GLDN: variants seen among roughly 807,000 people sequenced by gnomAD.
GLDN encodes the protein gliomedin, also known as collomin.
A neutral mutation model predicts 56.5 loss-of-function variants in GLDN; 47 were observed. The ratio of observed to expected loss-of-function variants is 0.83; its 90% CI spans 0.66 to 1.06. GLDN has a LOEUF of 1.06. Ranked by LOEUF, GLDN falls within the 50% of genes least tolerant of loss-of-function variation. GLDN has a pLI of 0.00. For synonymous variants in GLDN, 332 were observed against 278.8 expected (o/e 1.19, Z -1.90); for missense variants, 782 against 714.3 (o/e 1.09, Z -1.08).
At chr15:51,361,463 G>A (rs1426291579) in intron 1 of GLDN, among the ~76,000 whole-genome samples, 1 of 152,076 alleles carries the variant, frequency 6.6e-6, no homozygotes, top group Admixed American at 6.5e-5. Context: ...TTTTAGAGGT[G>A]GGTCCTAGAA....
At chr15:51,365,323 CT>C (rs1449628942) in intron 1 of GLDN, among the ~76,000 whole-genome samples, 1 of 151,664 alleles carries the variant, frequency 6.6e-6, no homozygotes, top group Non-Finnish European at 1.5e-5. Flanking sequence ...CTTTTCTTTA[CT>C]AATTTGCAAG....
chr15:51,383,516 C>T lies in GLDN; in HGVS notation c.433+63C>T. On this transcript the variant is annotated intron_variant, in intron 3 of 9. Transcript: ENST00000335449. ...GTGGGTGGCCAGACCCTAGGATCTC[C>T]CTGTTGGGACAGATGCGGGGAGGGC... 3.2e-6 allele frequency: 5 copies of T among 1,582,100 alleles called. No homozygotes were observed. In the South Asian group the frequency reaches 5.5e-5, roughly 18 times the overall value.
chr15:51,344,972 G>A (rs961091584), intron 1 of GLDN, among the ~76,000 whole-genome samples: 1 of 152,164 alleles, frequency 6.6e-6, no homozygotes, highest in African/African-American at 2.4e-5. Context: ...CATACTTTTG[G>A]GAGACAGTAA....
At chr15:51,381,934 T>C (rs780790477) in intron 2 of GLDN, among the ~76,000 whole-genome samples, 1 of 152,126 alleles carries the variant, frequency 6.6e-6, no homozygotes, top group Non-Finnish European at 1.5e-5. Flanking sequence ...GAACCTCCCA[T>C]GGCTCCCTCC....
chr15:51,399,598 C>G (rs2038206232), intron 6 of GLDN, among the ~76,000 whole-genome samples: 1 of 152,188 alleles, frequency 6.6e-6, no homozygotes, highest in African/African-American at 2.4e-5. Context: ...TCTCTAGGCT[C>G]TTAGACAGAG....
At position 51,341,721 on chromosome 15, in the gene GLDN, G is replaced by T. The variant is rs2036884317; in HGVS notation, c.37G>T (p.Gly13Cys). 2.1e-6 allele frequency: 3 copies of T among 1,446,782 alleles called. 1 individual carries two copies. The highest frequency in any genetic ancestry group is 3.0e-5 in the African/African-American group (2 of 67,368). The allele number at this position is 1,446,782 out of a possible 1,614,324, so 89.6% of individuals were successfully genotyped here. The part of the protein sequence containing the change: ...RGAEGGRGDA[G>C]WGLRGALAAV... ...CGCTGAGGGAGGCCGTGGGGACGCG[G>T]GTTGGGGCCTGCGTGGCGCCCTGGC... Residue 13 changes from glycine (G) to cysteine (C), a missense_variant, in exon 1 of 10, where the codon GGT (glycine) becomes TGT (cysteine). Coordinates refer to ENST00000335449, the MANE Select transcript of GLDN (RefSeq NM_181789.4).
At chr15:51,358,914 A>G (rs1166690266) in intron 1 of GLDN, among the ~76,000 whole-genome samples, 1 of 152,322 alleles carries the variant, frequency 6.6e-6, no homozygotes, top group East Asian at 1.9e-4. Flanking sequence ...AGGAGGGCAA[A>G]TGGAGTGAAG....
rs1183750779 is a variant in GLDN at position 51,404,670 on chromosome 15, G to C, written c.1572G>C (p.Met524Ile). 6.2e-7 allele frequency: 1 copy of C among 1,613,354 alleles called. No homozygotes were observed. Among genetic ancestry groups the C allele is most frequent in the Non-Finnish European group, 8.5e-7 (1 of 1,179,308 alleles). Residue 524 changes from methionine (M) to isoleucine (I), a missense_variant, in exon 10 of 10, where the codon ATG (methionine) becomes ATC (isoleucine). By Grantham distance (10) the Met-to-Ile change is conservative. Transcript: ENST00000335449. ...TTCTTGCCATGTTAGCATACAACAT[G>C]AGAGATCAGCATTTATATTCATGGG... The part of the protein sequence containing the change: ...QSVLAMLAYN[M>I]RDQHLYSWED...
intron 1 of GLDN, among the ~76,000 whole-genome samples, chr15:51,369,406 C>T (rs1009128377): frequency 2.0e-5 from 3 of 152,206 alleles, no homozygotes; most frequent in Non-Finnish European, 2.9e-5. Flanking sequence ...AACAGTGTTC[C>T]AGCCAGCAAA....
intron 4 of GLDN, among the ~76,000 whole-genome samples, chr15:51,394,134 G>T (rs2038075512): frequency 6.6e-6 from 1 of 152,188 alleles, no homozygotes; most frequent in African/African-American, 2.4e-5. Flanking sequence ...CCAATATGTT[G>T]TGAGGAATAA....
At chr15:51,377,050 A>G (rs2037647662) in intron 1 of GLDN, among the ~76,000 whole-genome samples, 2 of 152,230 alleles carry the variant, frequency 1.3e-5, no homozygotes, top group African/African-American at 2.4e-5. Context: ...AAAGGATAAC[A>G]TAGTAAATGC....
chr15:51,353,963 A>G (rs1348075119), intron 1 of GLDN, among the ~76,000 whole-genome samples: 1 of 152,204 alleles, frequency 6.6e-6, no homozygotes, highest in Non-Finnish European at 1.5e-5. Context: ...TTTGCAGCCC[A>G]TCCGTTGCTT....
intron 5 of GLDN, among the ~76,000 whole-genome samples, chr15:51,395,450 G>A (rs2038106316): frequency 6.6e-6 from 1 of 152,122 alleles, no homozygotes; most frequent in South Asian, 2.1e-4. Context: ...GACCTCAGTA[G>A]GGATGGCAAC....
At chr15:51,383,614 C>T (rs1160553092) in intron 3 of GLDN, among the ~76,000 whole-genome samples, 161 bp downstream of exon 3, 3 of 152,152 alleles carry the variant, frequency 2.0e-5, no homozygotes, top group Admixed American at 6.5e-5. Flanking sequence ...CCATCACCAT[C>T]CCCCCACTTG....
At chr15:51,383,726 C>T in intron 3 of GLDN, 59 bp from the exon 4 acceptor site, 1 of 1,258,434 alleles carries the variant, frequency 7.9e-7, no homozygotes, top group South Asian at 1.4e-5. Context: ...ACAGTAACTT[C>T]AGTGAATAAT....
chr15:51,399,818 T>C (rs1251739798), intron 6 of GLDN, among the ~76,000 whole-genome samples: 1 of 152,202 alleles, frequency 6.6e-6, no homozygotes, highest in African/African-American at 2.4e-5. Context: ...AATGCAATCA[T>C]GATAGTGATG....
chr15:51,392,610 A>G (rs995060160), intron 4 of GLDN, among the ~76,000 whole-genome samples: 5 of 152,234 alleles, frequency 3.3e-5, no homozygotes, highest in Non-Finnish European at 5.9e-5. Context: ...GTCTATGGAA[A>G]AATTGTCTTC....
chr15:51,383,418 A>AT lies in GLDN; in HGVS notation c.416-10dup, dbSNP rs752096713. On this transcript the variant is annotated splice_polypyrimidine_tract_variant and intron_variant, in intron 2 of 9. Transcript: ENST00000335449. ...GGTTCGGTGCTGGTTTCTCAACTAA[A>AT]TTTTTTTTCCGTTGTAGGACCTTCT... 58 of 1,612,248 alleles carry AT rather than the reference A, an allele frequency of 3.6e-5. 1 individual carries two copies. Among genetic ancestry groups the AT allele is most frequent in the Middle Eastern group, 1.7e-4 (1 of 6,052 alleles).
intron 4 of GLDN, among the ~76,000 whole-genome samples, chr15:51,393,928 G>T (rs1446986081): frequency 6.6e-6 from 1 of 152,184 alleles, no homozygotes; most frequent in African/African-American, 2.4e-5. Flanking sequence ...CCTATTAATG[G>T]TTGTCTTAAA....
Sources: allele counts gnomAD v4.1 joint callset (sites outside exome capture counted in the v4.1 genomes callset), GRCh38; gene constraint gnomAD v4.1.1; transcripts MANE v1.5; gene names NCBI Gene and HGNC (gene_info 2026-07-23, HGNC 2026-07-21).